NUP205: variants seen among roughly 807,000 people sequenced by gnomAD.
NUP205 encodes the protein nucleoporin 205, also known as nuclear pore complex protein Nup205.
In NUP205, 76 loss-of-function variants were observed where a neutral mutation model predicts 253.8. The ratio of observed to expected loss-of-function variants is 0.30; its 90% CI spans 0.25 to 0.36. The LOEUF is 0.36. NUP205 is among the 10% of genes least tolerant of loss of function. The pLI, the probability that NUP205 is intolerant of heterozygous loss-of-function variation, is 1.00. For synonymous variants in NUP205, 832 were observed against 850.1 expected (o/e 0.98, Z 0.37); for missense variants, 2,162 against 2,425.5 (o/e 0.89, Z 2.28).
At chr7:135,563,477 T>A (rs989547678) in intron 1 of NUP205, among the ~76,000 whole-genome samples, 6 of 152,086 alleles carry the variant, frequency 3.9e-5, no homozygotes, top group Non-Finnish European at 8.8e-5. Context: ...CGTGAGCCAC[T>A]GTGCCCGGCC....
In NUP205 at chr7:135,561,398, A is replaced by G. The variant is rs192611343; in HGVS notation, c.28+3426A>G. ...AAACCTATGCTTGTATTTCAGCTGT[A>G]TAACTTAACTAGTCTTGTGACCTGT... On this transcript the variant is annotated intron_variant, in intron 1 of 42. Transcript: ENST00000285968. Among the ~76,000 whole-genome samples the G allele has an allele frequency of 2.3e-3, 346 of 152,316 alleles. 4 individuals are homozygous for G. Among genetic ancestry groups the G allele is most frequent in the Non-Finnish European group, 2.9e-3 (194 of 68,024 alleles).
At chr7:135,562,469 G>A (rs763789812) in intron 1 of NUP205, among the ~76,000 whole-genome samples, 15 of 150,812 alleles carry the variant, frequency 9.9e-5, no homozygotes, top group African/African-American at 1.5e-4. Context: ...AAGTGCTGGG[G>A]TTATAGGCAT....
At chr7:135,597,309 CACT>C in intron 13 of NUP205, 56 bp from the exon 14 acceptor site, 1 of 1,231,368 alleles carries the variant, frequency 8.1e-7, no homozygotes, top group Non-Finnish European at 1.2e-6. Flanking sequence ...ATTGCAAAGC[CACT>C]AATATTCATT....
chr7:135,612,258 C>T (rs1244320805), intron 22 of NUP205, among the ~76,000 whole-genome samples: 1 of 152,130 alleles, frequency 6.6e-6, no homozygotes, highest in African/African-American at 2.4e-5. Context: ...ATGGAAAATA[C>T]AGGCTAGGAT....
chr7:135,596,956 CAAAA>C (rs202161616), intron 13 of NUP205, among the ~76,000 whole-genome samples: 4 of 89,526 alleles, frequency 4.5e-5, no homozygotes, highest in Admixed American at 1.3e-4. Flanking sequence ...GACTCTGTCT[CAAAA>C]AAAAAAAAAA....
At chr7:135,643,404 GTTAC>G (rs1563141406) in intron 39 of NUP205, 46 bp downstream of exon 39, 2 of 1,527,238 alleles carry the variant, frequency 1.3e-6, no homozygotes, top group Non-Finnish European at 1.8e-6. Context: ...AATCATTGCT[GTTAC>G]TAGGCCAGGG....
intron 5 of NUP205, 122 bp downstream of exon 5, chr7:135,577,250 C>A: frequency 2.1e-6 from 2 of 949,718 alleles, no homozygotes; most frequent in Non-Finnish European, 3.1e-6. Context: ...CTGATTGCCA[C>A]TTTTCTTTTT....
chr7:135,632,040 C>T (rs1393498522), intron 35 of NUP205, among the ~76,000 whole-genome samples: 1 of 152,082 alleles, frequency 6.6e-6, no homozygotes, highest in Non-Finnish European at 1.5e-5. Context: ...CCACCGCGCC[C>T]GGCCTATCTC....
At chr7:135,633,458 C>A (rs1794753163) in intron 35 of NUP205, among the ~76,000 whole-genome samples, 1 of 152,098 alleles carries the variant, frequency 6.6e-6, no homozygotes, top group East Asian at 1.9e-4. Context: ...TTGACTGTTT[C>A]CAAGCTTCTT....
At chr7:135,558,318 C>A in intron 1 of NUP205, 1 of 338,118 alleles carries the variant, frequency 3.0e-6, no homozygotes, top group South Asian at 3.2e-5. Flanking sequence ...ATCAGGTCTT[C>A]CACAGTGAAG....
intron 18 of NUP205, 65 bp from the exon 19 acceptor site, chr7:135,604,275 T>C: frequency 6.9e-7 from 1 of 1,442,856 alleles, no homozygotes; most frequent in Non-Finnish European, 9.3e-7. Context: ...AAATTTTCTT[T>C]ATTGAGAATA....
chr7:135,626,873 A>G (rs1794602446), intron 33 of NUP205, among the ~76,000 whole-genome samples: 1 of 152,184 alleles, frequency 6.6e-6, no homozygotes, highest in Non-Finnish European at 1.5e-5. Context: ...ACATGACTGC[A>G]GCATTGTTAG....
chr7:135,646,432 A>T (rs1795012376), intron 42 of NUP205, among the ~76,000 whole-genome samples: 1 of 151,784 alleles, frequency 6.6e-6, no homozygotes, highest in Non-Finnish European at 1.5e-5. Flanking sequence ...GGTGGCATGC[A>T]CCTGTAGTCA....
rs1465967289 is a variant in NUP205 at position 135,643,350 on chromosome 7, A to G, written c.5551A>G (p.Ile1851Val). The G allele has an allele frequency of 6.2e-7, 1 of 1,613,594 alleles. No homozygotes were observed. ...QNVEQLPPDE[I>V]KELCQSVMPA... ...TGTAGAGCAGCTTCCCCCAGATGAG[A>G]TAAAAGAGGTACGAATCTTATAATG... The change falls in exon 39 of 43, where the codon ATA becomes GTA. Residue 1851 changes from isoleucine to valine, a missense_variant. Physicochemically the swap from Ile to Val is conservative, Grantham distance 29. Around this residue, in one of 5 missense-constraint regions of NUP205, gnomAD observed 1,144 missense variants for 1,280.9 expected, o/e 0.89. Coordinates refer to ENST00000285968, the MANE Select transcript of NUP205 (RefSeq NM_015135.3).
chr7:135,567,145 T>C (rs1805796661), intron 1 of NUP205, among the ~76,000 whole-genome samples: 1 of 62,538 alleles, frequency 1.6e-5, no homozygotes, highest in South Asian at 4.3e-4. Context: ...TATATATATA[T>C]ATATATATAT....
intron 7 of NUP205, among the ~76,000 whole-genome samples, chr7:135,579,252 T>A (rs1351543622): frequency 1.5e-4 from 22 of 151,584 alleles, no homozygotes; most frequent in African/African-American, 5.3e-4. Context: ...TGGAGTGCAA[T>A]GGCACAGTCT....
At chr7:135,647,326 A>G (rs1795030252) in intron 42 of NUP205, among the ~76,000 whole-genome samples, 1 of 152,210 alleles carries the variant, frequency 6.6e-6, no homozygotes, top group Non-Finnish European at 1.5e-5. Flanking sequence ...TGAAAGGTGC[A>G]GTTACAGCAG....
rs144088473 is a variant in NUP205 at position 135,628,023 on chromosome 7, G to A, written c.4844G>A (p.Arg1615His). The change falls in exon 34 of 43, where the codon CGC (arginine) becomes CAC (histidine). Residue 1615 changes from arginine (R) to histidine (H), a missense_variant. Transcript: ENST00000285968. The stretch of plus-strand genomic sequence containing the variant: ...ATGTTCATCCCTACCCCAGTGGATC[G>A]CTACCGCCAGATTCTCCTCCCAGCT... Reference protein sequence around the residue: ...PPMFIPTPVDRYRQILLPALQ... With the variant: ...PPMFIPTPVDHYRQILLPALQ... The A allele has an allele frequency of 1.8e-5, 29 of 1,611,356 alleles. No homozygotes were observed. The highest frequency in any genetic ancestry group is 6.7e-5 in the East Asian group (3 of 44,834).
At chr7:135,609,091 C>G (rs1274460796) in intron 22 of NUP205, among the ~76,000 whole-genome samples, 1 of 65,646 alleles carries the variant, frequency 1.5e-5, no homozygotes, top group East Asian at 4.1e-4. Context: ...GCAACAAGAG[C>G]AAAACTCCGT....
Sources: allele counts gnomAD v4.1 joint callset (sites outside exome capture counted in the v4.1 genomes callset), GRCh38; gene constraint gnomAD v4.1.1; regional missense constraint gnomAD v4.1.1; transcripts MANE v1.5; gene names NCBI Gene and HGNC (gene_info 2026-07-23, HGNC 2026-07-21).